Variants in IMMP2L observed in about 807,000 individuals in gnomAD.
IMMP2L encodes inner mitochondrial membrane peptidase subunit 2, also known as mitochondrial inner membrane protease subunit 2.
IMMP2L carries 18 observed loss-of-function variants against 19.3 expected under a neutral mutation model. That is an observed-to-expected ratio of 0.93 (90% CI 0.64 to 1.38). IMMP2L has a LOEUF of 1.38. Ranked by LOEUF, IMMP2L falls within the 40% of genes most tolerant of loss-of-function variation. The pLI is 0.00. For missense variants in IMMP2L, 233 were observed against 218.2 expected (o/e 1.07, Z -0.43); for synonymous variants, 76 against 73.0 (o/e 1.04, Z -0.21).
intron 3 of IMMP2L, among the ~76,000 whole-genome samples, chr7:111,200,580 C>T (rs536244178): frequency 6.7e-6 from 1 of 148,684 alleles, no homozygotes; most frequent in South Asian, 2.1e-4. Flanking sequence ...TATTTCTGCC[C>T]GTGAAGAACT....
At chr7:111,307,634 C>T (rs867105274) in intron 3 of IMMP2L, among the ~76,000 whole-genome samples, 2 of 151,098 alleles carry the variant, frequency 1.3e-5, no homozygotes, top group Admixed American at 6.6e-5. Flanking sequence ...TTTATTAAAT[C>T]GAGAAAATAT....
chr7:111,106,425 T>C (rs925941079), intron 3 of IMMP2L, among the ~76,000 whole-genome samples: 1 of 151,892 alleles, frequency 6.6e-6, no homozygotes, highest in Non-Finnish European at 1.5e-5. Context: ...GGAAACTCAC[T>C]GGTTTTGAGA....
intron 5 of IMMP2L, among the ~76,000 whole-genome samples, chr7:110,669,025 GT>G (rs1562903098): frequency 3.6e-5 from 5 of 138,852 alleles, no homozygotes; most frequent in South Asian, 2.2e-4. Context: ...TGAACCAACA[GT>G]ATGTGTGTGT....
intron 3 of IMMP2L, among the ~76,000 whole-genome samples, chr7:110,989,099 G>A (rs1419492099): frequency 5.3e-5 from 8 of 152,116 alleles, no homozygotes; most frequent in African/African-American, 9.7e-5. Context: ...GCCGGGTGTC[G>A]TGGCACATGC....
intron 2 of IMMP2L, among the ~76,000 whole-genome samples, chr7:111,487,690 A>G: frequency 6.6e-6 from 1 of 152,308 alleles, no homozygotes; most frequent in African/African-American, 2.4e-5. Flanking sequence ...TCCAGATAGG[A>G]TCTAATTCCA....
At chr7:110,807,604 T>TA (rs1309607765) in intron 5 of IMMP2L, among the ~76,000 whole-genome samples, 6 of 151,956 alleles carry the variant, frequency 3.9e-5, no homozygotes, top group South Asian at 4.1e-4. Context: ...CATTAATTTT[T>TA]AAAAAAAATT....
intron 3 of IMMP2L, among the ~76,000 whole-genome samples, chr7:111,268,569 C>CTCTTT (rs1818083564): frequency 4.3e-4 from 19 of 44,596 alleles, no homozygotes; most frequent in African/African-American, 1.8e-3. Flanking sequence ...TCACATTTCT[C>CTCTTT]TTTTTTTTTT....
At chr7:111,228,465 G>A (rs1490566491) in intron 3 of IMMP2L, among the ~76,000 whole-genome samples, 1 of 151,140 alleles carries the variant, frequency 6.6e-6, no homozygotes, top group Admixed American at 6.6e-5. Flanking sequence ...CCAAAAGCCA[G>A]GAAACACTGA....
At chr7:111,542,993 G>A (rs1325845386) in intron 1 of IMMP2L, among the ~76,000 whole-genome samples, 1 of 151,940 alleles carries the variant, frequency 6.6e-6, no homozygotes, top group Non-Finnish European at 1.5e-5. Context: ...TTATTACCTG[G>A]ATCTTCTAAC....
intron 5 of IMMP2L, among the ~76,000 whole-genome samples, chr7:110,683,858 C>T (rs916112497): frequency 2.6e-5 from 4 of 152,030 alleles, no homozygotes; most frequent in African/African-American, 9.7e-5. Context: ...TGAGTTCCTA[C>T]AAATAATAGT....
rs143135767 is a variant in IMMP2L, at chr7:111,462,734, T to G, written c.239+24504A>C. Reference sequence around the variant, plus strand: ...ACCCTATCATGTCCACCTCTAAGAATTCTAATACAGTTCGTCTATAGGGCC... The same window carrying G: ...ACCCTATCATGTCCACCTCTAAGAAGTCTAATACAGTTCGTCTATAGGGCC... On this transcript the variant is annotated intron_variant, in intron 3 of 5. Coordinates refer to ENST00000405709, the MANE Select transcript of IMMP2L (RefSeq NM_032549.4). Among the ~76,000 whole-genome samples the G allele has an allele frequency of 6.3e-3, 952 of 152,188 alleles. 11 individuals carry two copies. The highest frequency in any genetic ancestry group is 0.02 in the African/African-American group (840 of 41,538).
chr7:110,877,915 A>C lies in IMMP2L; in HGVS notation c.408+8678T>G, dbSNP rs1809242891. On this transcript the variant is annotated intron_variant, in intron 5 of 5. Transcript: ENST00000405709. This position sits in a 1 kb window ranked among gnomAD's most constrained non-coding sequence, Gnocchi z 4.0. ...ATATTTTATACTCTAAAAATAAAAAACAAAAAACAAAAAGCACAATGGATT... is the reference window on the plus strand; with the variant it reads ...ATATTTTATACTCTAAAAATAAAAACCAAAAAACAAAAAGCACAATGGATT... Among the ~76,000 whole-genome samples the C allele has an allele frequency of 6.6e-6, 1 of 152,166 alleles. No homozygotes were observed. The highest frequency in any genetic ancestry group is 1.5e-5 in the Non-Finnish European group (1 of 68,018).
At chr7:111,151,737 G>A (rs967447150) in intron 3 of IMMP2L, among the ~76,000 whole-genome samples, 14 of 152,254 alleles carry the variant, frequency 9.2e-5, no homozygotes, top group South Asian at 2.1e-4. Context: ...TCAGGAGTTT[G>A]GGACCAGCCT....
rs575249300 is a variant in IMMP2L, at chr7:110,671,009, T to C, written c.409-7288A>G. On this transcript the variant is annotated intron_variant, in intron 5 of 5. Coordinates refer to ENST00000405709, the MANE Select transcript of IMMP2L (RefSeq NM_032549.4). ...TTCACATTTTTCAGGTATAAGAAAG[T>C]TACTTTTACAGTAAATTTCAAAACA... Among the ~76,000 whole-genome samples, 7 of 152,328 alleles carry C rather than the reference T, an allele frequency of 4.6e-5. No individual in the cohort carries two copies. The South Asian group carries it at 6.2e-4, about 14-fold the overall frequency.
rs1253100695 is a variant in IMMP2L at position 111,392,953 on chromosome 7, A to G, written c.239+94285T>C. 9.7e-6 allele frequency: 4 copies of G among 413,882 alleles called. No individual in the cohort carries two copies. In the East Asian group the frequency reaches 2.1e-4, roughly 22 times the overall value. The allele number at this position is 413,882 out of a possible 1,614,324, so 25.6% of individuals were successfully genotyped here. A position where few individuals can be genotyped will look rare whatever the true frequency, so the allele number is the denominator to read the frequency against. ...GCATGTGGATGTGTTCGCCAATTATAAAAGTCTCAGAACCCAAGCATTTAG... is the reference window on the plus strand; with the variant it reads ...GCATGTGGATGTGTTCGCCAATTATGAAAGTCTCAGAACCCAAGCATTTAG... On this transcript the variant is annotated intron_variant, in intron 3 of 5. Coordinates refer to ENST00000405709, the MANE Select transcript of IMMP2L (RefSeq NM_032549.4).
chr7:111,215,108 C>T (rs1183805966), intron 3 of IMMP2L, among the ~76,000 whole-genome samples: 1 of 152,094 alleles, frequency 6.6e-6, no homozygotes, highest in Non-Finnish European at 1.5e-5. Context: ...CTTATATTTA[C>T]CATTGGTTAA....
chr7:111,031,933 G>GTTTTT (rs1397197936), intron 3 of IMMP2L, among the ~76,000 whole-genome samples: 1 of 87,134 alleles, frequency 1.1e-5, no homozygotes, highest in East Asian at 3.3e-4. Context: ...AAACACCAGA[G>GTTTTT]ATTTTTTTTT....
At chr7:111,024,398 C>G (rs1826605181) in intron 3 of IMMP2L, among the ~76,000 whole-genome samples, 1 of 152,132 alleles carries the variant, frequency 6.6e-6, no homozygotes, top group Admixed American at 6.5e-5. Context: ...TCTATTCTCT[C>G]TCCTACTTTA....
chr7:111,207,842 G>A (rs1302249052), intron 3 of IMMP2L, among the ~76,000 whole-genome samples: 2 of 152,104 alleles, frequency 1.3e-5, no homozygotes, highest in East Asian at 1.9e-4. Flanking sequence ...CTCAAAGATA[G>A]AGGTTTTCTA....
Sources: gnomAD v4.1 joint callset for allele counts (sites outside exome capture counted in the v4.1 genomes callset) on GRCh38, gnomAD v4.1.1 for gene constraint, Gnocchi (gnomAD v3.1) non-coding constraint, MANE v1.5 for transcripts, NCBI Gene and HGNC (gene_info 2026-07-23, HGNC 2026-07-21) for gene names.